MAMDC2: variants seen among roughly 807,000 people sequenced by gnomAD.
MAMDC2 encodes MAM domain containing 2, also known as MAM domain-containing protein 2.
Under a neutral mutation model 89.8 loss-of-function variants are expected in MAMDC2, and 57 were observed. That is an observed-to-expected ratio of 0.63 (90% CI 0.51 to 0.79). The LOEUF (loss-of-function observed/expected upper bound fraction) is 0.79, where lower values mean the gene tolerates loss of function less well. MAMDC2 is among the 30% of genes least tolerant of loss of function. MAMDC2 has a pLI of 0.00. For missense variants in MAMDC2, 800 were observed against 820.6 expected (o/e 0.97, Z 0.31); for synonymous variants, 313 against 293.4 (o/e 1.07, Z -0.68).
chr9:70,105,033 C>T (rs192423210), intron 2 of MAMDC2, among the ~76,000 whole-genome samples: 13 of 152,106 alleles, frequency 8.5e-5, no homozygotes, highest in Admixed American at 8.5e-4. Flanking sequence ...CGTTAATTCA[C>T]TCGGTGGTAA....
intron 2 of MAMDC2, among the ~76,000 whole-genome samples, chr9:70,053,215 A>G (rs565634072): frequency 6.6e-6 from 1 of 152,340 alleles, no homozygotes; most frequent in African/African-American, 2.4e-5. Flanking sequence ...CAGGTTTGCA[A>G]GTCAGATCTT....
chr9:70,126,575 C>T (rs1019533620), intron 6 of MAMDC2, among the ~76,000 whole-genome samples, 160 bp downstream of exon 6: 1 of 152,206 alleles, frequency 6.6e-6, no homozygotes, highest in Admixed American at 6.5e-5. Context: ...CTCTCCTGCT[C>T]TCCCTTCCTC....
intron 7 of MAMDC2, among the ~76,000 whole-genome samples, chr9:70,133,671 C>A (rs1052361192): frequency 1.3e-5 from 2 of 152,186 alleles, no homozygotes; most frequent in Non-Finnish European, 2.9e-5. Flanking sequence ...TATTTAACTT[C>A]TTTGAGACTC....
At chr9:70,105,830 A>C (rs1828326464) in intron 2 of MAMDC2, 1 of 152,142 alleles carries the variant, frequency 6.6e-6, no homozygotes, top group South Asian at 2.1e-4. Context: ...AGCCAAGATA[A>C]TCACCAGCAG....
chr9:70,149,569 G>A (rs1302707715), intron 9 of MAMDC2, among the ~76,000 whole-genome samples: 2 of 152,108 alleles, frequency 1.3e-5, no homozygotes, highest in Non-Finnish European at 2.9e-5. Context: ...TTGAAATGCC[G>A]AGCAACTTTC....
At chr9:70,168,175 C>T (rs1057041237) in intron 9 of MAMDC2, among the ~76,000 whole-genome samples, 5 of 152,114 alleles carry the variant, frequency 3.3e-5, no homozygotes, top group East Asian at 1.9e-4. Context: ...CACAATATAT[C>T]GTTATATTCT....
intron 7 of MAMDC2, among the ~76,000 whole-genome samples, chr9:70,138,735 C>T (rs1183343305): frequency 6.6e-6 from 1 of 152,066 alleles, no homozygotes; most frequent in Non-Finnish European, 1.5e-5. Context: ...ACCTCCAGGC[C>T]ATCTGGGGTG....
At chr9:70,198,464 A>G (rs968907671) in intron 11 of MAMDC2, among the ~76,000 whole-genome samples, 3 of 152,196 alleles carry the variant, frequency 2.0e-5, no homozygotes, top group Non-Finnish European at 4.4e-5. Context: ...CCTGGAGTTT[A>G]CAGGGATTTT....
chr9:70,124,643 A>G (rs1450814354), intron 5 of MAMDC2, among the ~76,000 whole-genome samples: 1 of 152,202 alleles, frequency 6.6e-6, no homozygotes, highest in East Asian at 1.9e-4. Flanking sequence ...GTATAAATGC[A>G]TATGCTCCTC....
Position 70,114,701 on chromosome 9 carries a change from G to C in MAMDC2, c.643+1569G>C, listed in dbSNP as rs563999151. Among the ~76,000 whole-genome samples the C allele has an allele frequency of 6.6e-5, 10 of 152,266 alleles. No homozygotes were observed. The South Asian group carries it at 2.1e-3, about 32-fold the overall frequency. The stretch of plus-strand genomic sequence containing the variant: ...ATTAGATATGATGGGGTAAATGACA[G>C]TTAAAATGACAGATCCTCTATGGCC... On this transcript the variant is annotated intron_variant, in intron 5 of 13. Transcript: ENST00000377182.
chr9:70,105,769 G>A (rs1281622832), intron 2 of MAMDC2: 2 of 152,144 alleles, frequency 1.3e-5, no homozygotes, highest in East Asian at 3.8e-4. Context: ...AGTAAAATCT[G>A]ATCAGGTGAG....
Position 70,137,065 on chromosome 9 carries a change from T to G in MAMDC2, c.995-3080T>G, listed in dbSNP as rs115525202. Among the ~76,000 whole-genome samples the G allele has an allele frequency of 7.8e-3, 1,187 of 152,282 alleles. 20 individuals are homozygous for G. Among genetic ancestry groups the G allele is most frequent in the African/African-American group, 0.027 (1,103 of 41,560 alleles). On this transcript the variant is annotated intron_variant, in intron 7 of 13. Transcript: ENST00000377182. ...CTCCTGGTGCACTTCCTAGGGTATA[T>G]CCCCTGAGATACAATCAGGTTCTAG... is the stretch of plus-strand genomic sequence containing the variant.
At chr9:70,134,921 G>A (rs1187061013) in intron 7 of MAMDC2, among the ~76,000 whole-genome samples, 1 of 152,132 alleles carries the variant, frequency 6.6e-6, no homozygotes, top group Non-Finnish European at 1.5e-5. Flanking sequence ...GCAGTGTAGA[G>A]AACACACTGC....
chr9:70,135,874 G>A (rs2030983186), intron 7 of MAMDC2, among the ~76,000 whole-genome samples: 1 of 152,132 alleles, frequency 6.6e-6, no homozygotes. Flanking sequence ...ATCCAGGCCA[G>A]GCATGGTAGT....
chr9:70,196,762 G>A (rs148004707), intron 11 of MAMDC2, among the ~76,000 whole-genome samples: 3 of 152,150 alleles, frequency 2.0e-5, no homozygotes, highest in African/African-American at 7.2e-5. Flanking sequence ...AACATGGAAC[G>A]ACAGATGAAC....
At chr9:70,072,991 A>T (rs1827443702) in intron 2 of MAMDC2, among the ~76,000 whole-genome samples, 1 of 152,132 alleles carries the variant, frequency 6.6e-6, no homozygotes, top group African/African-American at 2.4e-5. Context: ...ATGTGCCACC[A>T]CACCAGCTAA....
chr9:70,099,278 T>C (rs1319624840), intron 2 of MAMDC2, among the ~76,000 whole-genome samples: 2 of 152,246 alleles, frequency 1.3e-5, no homozygotes, highest in African/African-American at 2.4e-5. Flanking sequence ...TATTATTTAT[T>C]TTCTAATAAC....
intron 9 of MAMDC2, among the ~76,000 whole-genome samples, chr9:70,145,164 T>C (rs2031359507): frequency 6.6e-6 from 1 of 152,220 alleles, no homozygotes; most frequent in Non-Finnish European, 1.5e-5. Context: ...TCTTATTATT[T>C]GTATGCGAAT....
chr9:70,158,862 T>A (rs940891461), intron 9 of MAMDC2, among the ~76,000 whole-genome samples: 5 of 151,928 alleles, frequency 3.3e-5, no homozygotes, highest in African/African-American at 1.2e-4. Flanking sequence ...ATGGCAACAG[T>A]TACAACACAA....
Sources: gnomAD v4.1 joint callset for allele counts (sites outside exome capture counted in the v4.1 genomes callset) on GRCh38, gnomAD v4.1.1 for gene constraint, MANE v1.5 for transcripts, NCBI Gene and HGNC (gene_info 2026-07-23, HGNC 2026-07-21) for gene names.